Variants in SEMA6D observed in about 807,000 individuals in gnomAD.
The protein encoded by SEMA6D is semaphorin 6D.
SEMA6D carries 35 observed loss-of-function variants against 106.6 expected under a neutral mutation model. The observed-to-expected ratio is 0.33, with a 90% CI of 0.25 to 0.44. The LOEUF is 0.44. Ranked by LOEUF, SEMA6D falls within the 20% of genes least tolerant of loss-of-function variation. The probability of loss-of-function intolerance (pLI) is 1.00; values close to 1 mark genes in which losing one functional copy is unlikely to be tolerated. For synonymous variants in SEMA6D, 499 were observed against 487.7 expected (o/e 1.02, Z -0.31); for missense variants, 1,185 against 1,345.9 (o/e 0.88, Z 1.87).
chr15:47,242,687 G>A (rs2032984190), intron 1 of SEMA6D, among the ~76,000 whole-genome samples: 1 of 152,088 alleles, frequency 6.6e-6, no homozygotes, highest in Non-Finnish European at 1.5e-5. Context: ...TATCCTTACG[G>A]TCAACTATAT....
At chr15:47,544,154 T>C (rs915162726) in intron 3 of SEMA6D, among the ~76,000 whole-genome samples, 1 of 152,162 alleles carries the variant, frequency 6.6e-6, no homozygotes, top group South Asian at 2.1e-4. Flanking sequence ...CCAGGTATTA[T>C]ATAAAACTCT....
intron 1 of SEMA6D, among the ~76,000 whole-genome samples, chr15:47,311,873 C>G (rs2036460820): frequency 6.6e-6 from 1 of 152,110 alleles, no homozygotes; most frequent in Non-Finnish European, 1.5e-5. Context: ...GAGGCAGTTC[C>G]TGGCAATTGG....
intron 4 of SEMA6D, among the ~76,000 whole-genome samples, chr15:47,607,333 A>G (rs2143723043): frequency 6.6e-6 from 1 of 152,304 alleles, no homozygotes; most frequent in South Asian, 2.1e-4. Flanking sequence ...GCAGCCTTAG[A>G]AATTTCCTAC....
intron 3 of SEMA6D, among the ~76,000 whole-genome samples, chr15:47,568,071 A>T (rs2046278566): frequency 6.6e-6 from 1 of 152,028 alleles, no homozygotes; most frequent in Admixed American, 6.6e-5. Flanking sequence ...CAAATTTCAG[A>T]GGTAATGTAG....
intron 1 of SEMA6D, among the ~76,000 whole-genome samples, chr15:47,389,759 T>C (rs1156547308): frequency 7.2e-5 from 11 of 152,236 alleles, no homozygotes; most frequent in Non-Finnish European, 4.4e-5. Flanking sequence ...AGTCACCCTT[T>C]AGTTCTTCAC....
intron 1 of SEMA6D, among the ~76,000 whole-genome samples, chr15:47,254,253 TTA>T (rs565416296): frequency 0.011 from 1,667 of 148,092 alleles, 29 homozygotes; most frequent in Admixed American, 0.013. Context: ...GTCTTTGAGA[TTA>T]TATATATATA....
chr15:47,355,498 G>A (rs2038529915), intron 1 of SEMA6D, among the ~76,000 whole-genome samples: 1 of 152,176 alleles, frequency 6.6e-6, no homozygotes, highest in South Asian at 2.1e-4. Flanking sequence ...GACTGCGTGT[G>A]TGTATGTGTG....
intron 4 of SEMA6D, among the ~76,000 whole-genome samples, chr15:47,651,052 A>G (rs2077679905): frequency 6.6e-6 from 1 of 152,108 alleles, no homozygotes; most frequent in South Asian, 2.1e-4. Flanking sequence ...CTTTACCTTA[A>G]TGACATGAGT....
intron 1 of SEMA6D, among the ~76,000 whole-genome samples, chr15:47,324,434 A>G (rs2037045022): frequency 6.6e-6 from 1 of 152,038 alleles, no homozygotes; most frequent in African/African-American, 2.4e-5. Flanking sequence ...TCAAATATAA[A>G]CACTAAATAA....
chr15:47,727,768 T>C (rs2146546310), intron 1 of SEMA6D, among the ~76,000 whole-genome samples: 1 of 151,202 alleles, frequency 6.6e-6, no homozygotes, highest in Non-Finnish European at 1.5e-5. Context: ...ATAAATGAAG[T>C]CCTGGGCCAG....
At chr15:47,280,164 T>C (rs186395319) in intron 1 of SEMA6D, among the ~76,000 whole-genome samples, 78 of 152,310 alleles carry the variant, frequency 5.1e-4, no homozygotes, top group African/African-American at 1.9e-3. Flanking sequence ...TCCTGGACTC[T>C]TCTTGGTTGG....
intron 1 of SEMA6D, among the ~76,000 whole-genome samples, chr15:47,318,253 T>A (rs1030317772): frequency 4.6e-5 from 7 of 151,604 alleles, no homozygotes; most frequent in African/African-American, 1.5e-4. Flanking sequence ...TTTTTTTAAA[T>A]TTTTCTTTTT....
At chr15:47,395,108 T>C (rs571658777) in intron 1 of SEMA6D, among the ~76,000 whole-genome samples, 21 of 152,220 alleles carry the variant, frequency 1.4e-4, no homozygotes, top group African/African-American at 4.6e-4. Context: ...ATCTATAAGA[T>C]TGCATACACA....
At chr15:47,513,847 A>G (rs2044305915) in intron 3 of SEMA6D, among the ~76,000 whole-genome samples, 3 of 152,238 alleles carry the variant, frequency 2.0e-5, no homozygotes, top group African/African-American at 7.2e-5. Flanking sequence ...TACACATTGT[A>G]ATGCAGATTG....
chr15:47,229,839 CATATT>C, intron 1 of SEMA6D, among the ~76,000 whole-genome samples: 1 of 152,126 alleles, frequency 6.6e-6, no homozygotes, highest in South Asian at 2.1e-4. Context: ...AGACTGATAA[CATATT>C]ATATTTTCAT....
At chr15:47,193,769 A>G (rs1469046632) in intron 1 of SEMA6D, among the ~76,000 whole-genome samples, 1 of 152,000 alleles carries the variant, frequency 6.6e-6, no homozygotes, top group Non-Finnish European at 1.5e-5. Context: ...CCTGCCCTTC[A>G]TGTCTCTAGC....
chr15:47,752,119 A>G (rs779721676), intron 1 of SEMA6D, among the ~76,000 whole-genome samples: 2 of 152,238 alleles, frequency 1.3e-5, no homozygotes, highest in Non-Finnish European at 2.9e-5. Flanking sequence ...TTTGGGCTCC[A>G]TCCCAGGAGT....
chr15:47,243,036 C>T (rs368260040), intron 1 of SEMA6D, among the ~76,000 whole-genome samples: 5 of 152,182 alleles, frequency 3.3e-5, no homozygotes, highest in East Asian at 3.9e-4. Context: ...ATCCTGGAAA[C>T]ACACACAATC....
At chr15:47,528,429 G>A (rs893895672) in intron 3 of SEMA6D, among the ~76,000 whole-genome samples, 4 of 152,068 alleles carry the variant, frequency 2.6e-5, no homozygotes, top group African/African-American at 9.7e-5. Flanking sequence ...AAGTAGAGTT[G>A]GAAAACAGGC....
Sources: allele counts gnomAD v4.1 joint callset (sites outside exome capture counted in the v4.1 genomes callset), GRCh38; gene constraint gnomAD v4.1.1; transcripts MANE v1.5; gene names NCBI Gene and HGNC (gene_info 2026-07-23, HGNC 2026-07-21).